The following IPCEF1 variants were observed in gnomAD, a reference collection of about 807,000 sequenced individuals.
IPCEF1 encodes the protein interactor protein for cytohesin exchange factors 1.
A neutral mutation model predicts 50.9 loss-of-function variants in IPCEF1; 31 were observed. The ratio of observed to expected loss-of-function variants is 0.61; its 90% CI spans 0.46 to 0.82. The LOEUF is 0.82. IPCEF1 is among the 40% of genes least tolerant of loss of function. The pLI is 0.00. For missense variants in IPCEF1, 458 were observed against 514.0 expected, an observed-to-expected ratio of 0.89 and a Z score of 1.05; for synonymous variants, 181 against 192.0, an observed-to-expected ratio of 0.94 and a Z score of 0.47.
intron 11 of IPCEF1, among the ~76,000 whole-genome samples, chr6:154,162,872 C>G (rs1218366908): frequency 1.3e-5 from 2 of 152,190 alleles, no homozygotes; most frequent in African/African-American, 4.8e-5. Context: ...TCAAAAATAA[C>G]ATATCTAAAG....
chr6:154,322,978 CAGTT>C lies in IPCEF1; in HGVS notation c.-61-33226_-61-33223del, dbSNP rs200448979. Among the ~76,000 whole-genome samples, 898 of 152,076 alleles carry C rather than the reference CAGTT, an allele frequency of 5.9e-3. 6 individuals carry two copies. Among genetic ancestry groups the C allele is most frequent in the African/African-American group, 0.02 (816 of 41,466 alleles). ...ACAAAAACAAAACAAATATATGAAA[CAGTT>C]AGAGGAATTTGAACATTATTAAATA... On this transcript the variant is annotated intron_variant, in intron 1 of 11. Coordinates refer to ENST00000367220, the MANE Select transcript of IPCEF1 (RefSeq NM_001130700.2).
At chr6:154,270,540 AC>A (rs1781875523) in intron 2 of IPCEF1, among the ~76,000 whole-genome samples, 1 of 152,240 alleles carries the variant, frequency 6.6e-6, no homozygotes, top group African/African-American at 2.4e-5. Context: ...TTATTCAATC[AC>A]TATCAGTCAA....
chr6:154,229,719 G>A (rs9397697), intron 5 of IPCEF1, among the ~76,000 whole-genome samples: 32,466 of 152,084 alleles, frequency 0.21, 4,209 homozygotes, highest in Admixed American at 0.42. Flanking sequence ...TCTACTCCTA[G>A]GTGTCTACCC....
intron 10 of IPCEF1, among the ~76,000 whole-genome samples, chr6:154,195,170 CAGAA>C (rs1010996651): frequency 2.5e-5 from 3 of 121,492 alleles, no homozygotes; most frequent in African/African-American, 1.0e-4. Flanking sequence ...TTTTTTGAGA[CAGAA>C]TCTCGCTCTG....
intron 2 of IPCEF1, among the ~76,000 whole-genome samples, chr6:154,283,728 C>G (rs1030354474): frequency 6.6e-6 from 1 of 152,168 alleles, no homozygotes; most frequent in Non-Finnish European, 1.5e-5. Context: ...TGTTAGATTT[C>G]TCATGCAAGT....
At chr6:154,338,919 C>T (rs1346666184) in intron 1 of IPCEF1, among the ~76,000 whole-genome samples, 2 of 152,118 alleles carry the variant, frequency 1.3e-5, no homozygotes, top group Admixed American at 1.3e-4. Flanking sequence ...GCCCGAGTGA[C>T]ACAGCAAAAC....
chr6:154,247,215 TCA>T (rs898127016), intron 4 of IPCEF1: 4 of 519,890 alleles, frequency 7.7e-6, no homozygotes, highest in Non-Finnish European at 1.4e-5. Flanking sequence ...ACTTCCCGAC[TCA>T]CTGCCAGTTT....
intron 10 of IPCEF1, among the ~76,000 whole-genome samples, chr6:154,169,332 G>C (rs1215832959): frequency 6.6e-6 from 1 of 152,168 alleles, no homozygotes; most frequent in Non-Finnish European, 1.5e-5. Flanking sequence ...CTGCACTCCA[G>C]CCTGGGCTAC....
intron 7 of IPCEF1, among the ~76,000 whole-genome samples, chr6:154,216,321 T>C (rs1418100520): frequency 2.0e-5 from 3 of 152,086 alleles, no homozygotes; most frequent in South Asian, 2.1e-4. Context: ...TGGGGGGTGG[T>C]TGTAATGACC....
intron 1 of IPCEF1, among the ~76,000 whole-genome samples, chr6:154,290,998 A>C (rs1782501307): frequency 6.6e-6 from 1 of 150,638 alleles, no homozygotes; most frequent in Non-Finnish European, 1.5e-5. Context: ...GGTTCAAGTG[A>C]TTCTCCTGCC....
intron 1 of IPCEF1, among the ~76,000 whole-genome samples, chr6:154,311,700 C>T (rs576436150): frequency 1.3e-5 from 2 of 152,262 alleles, no homozygotes; most frequent in South Asian, 4.1e-4. Flanking sequence ...TTTTCAATAT[C>T]ACTAATCATT....
chr6:154,318,075 G>C (rs1344549878), intron 1 of IPCEF1, among the ~76,000 whole-genome samples: 3 of 152,154 alleles, frequency 2.0e-5, no homozygotes, highest in African/African-American at 7.2e-5. Context: ...CTGAACAAAA[G>C]AAGTCAGATA....
At chr6:154,351,549 T>C (rs1784119753) in intron 1 of IPCEF1, among the ~76,000 whole-genome samples, 1 of 152,202 alleles carries the variant, frequency 6.6e-6, no homozygotes. Flanking sequence ...AGAGAGCAAA[T>C]CTGCTCTGCT....
intron 9 of IPCEF1, among the ~76,000 whole-genome samples, chr6:154,200,528 C>T (rs528183504): frequency 2.6e-4 from 39 of 152,158 alleles, no homozygotes; most frequent in African/African-American, 8.0e-4. Context: ...TGAGACCAGC[C>T]GGGCCAGTAT....
chr6:154,306,975 G>A (rs77887619), intron 1 of IPCEF1, among the ~76,000 whole-genome samples: 3,743 of 152,174 alleles, frequency 0.025, 170 homozygotes, highest in African/African-American at 0.085. Context: ...ACAAAATACC[G>A]CAGACTGGGT....
intron 1 of IPCEF1, among the ~76,000 whole-genome samples, chr6:154,312,130 A>G (rs1380487130): frequency 1.3e-5 from 2 of 152,336 alleles, no homozygotes; most frequent in Admixed American, 1.3e-4. Context: ...ACTTAAAAAC[A>G]CTTTTAAAAA....
intron 2 of IPCEF1, among the ~76,000 whole-genome samples, chr6:154,271,654 C>T (rs1431678564): frequency 3.9e-5 from 6 of 152,002 alleles, no homozygotes; most frequent in Admixed American, 2.6e-4. Context: ...ACATGAGGCT[C>T]CTAAGTTCTT....
At chr6:154,277,504 C>T (rs1221415421) in intron 2 of IPCEF1, among the ~76,000 whole-genome samples, 1 of 152,154 alleles carries the variant, frequency 6.6e-6, no homozygotes, top group African/African-American at 2.4e-5. Flanking sequence ...TTAAATCGTC[C>T]AACTCCCTAA....
intron 1 of IPCEF1, among the ~76,000 whole-genome samples, chr6:154,295,910 C>CACACACACAT (rs1562583588): frequency 1.1e-4 from 2 of 18,612 alleles, no homozygotes; most frequent in Non-Finnish European, 1.6e-4. Flanking sequence ...CACACACACA[C>CACACACACAT]GCACACACAC....
Sources: allele counts gnomAD v4.1 joint callset (sites outside exome capture counted in the v4.1 genomes callset), GRCh38; gene constraint gnomAD v4.1.1; transcripts MANE v1.5; gene names NCBI Gene and HGNC (gene_info 2026-07-23, HGNC 2026-07-21).